Variants in MRPL30 observed in about 807,000 individuals in gnomAD.
The protein encoded by MRPL30 is large ribosomal subunit protein uL30m.
A neutral mutation model predicts 17.2 loss-of-function variants in MRPL30; 10 were observed. That is an observed-to-expected ratio of 0.58 (90% CI 0.36 to 0.99). MRPL30 has a LOEUF of 0.99. MRPL30 is among the 50% of genes least tolerant of loss of function. The pLI is 0.01. For synonymous variants in MRPL30, 61 were observed against 62.1 expected, an observed-to-expected ratio of 0.98 and a Z score of 0.08; for missense variants, 170 against 189.8, an observed-to-expected ratio of 0.90 and a Z score of 0.61.
chr2:99,192,001 CA>C (rs1021659100), intron 3 of MRPL30, among the ~76,000 whole-genome samples: 1 of 152,126 alleles, frequency 6.6e-6, no homozygotes, highest in Admixed American at 6.6e-5. Context: ...CTAATCTCTT[CA>C]AAATCTCTAG....
intron 3 of MRPL30, among the ~76,000 whole-genome samples, chr2:99,192,281 C>T (rs1353780874): frequency 6.6e-6 from 1 of 152,026 alleles, no homozygotes; most frequent in South Asian, 2.1e-4. Context: ...TCACTGTATA[C>T]ATTTTTTTTT....
In MRPL30 at chr2:99,194,627, ATGAT is replaced by A. The variant is rs1291918233; in HGVS notation, c.133-123_133-120del. On this transcript the variant is annotated intron_variant, in intron 3 of 5. Coordinates refer to ENST00000338148, the MANE Select transcript of MRPL30 (RefSeq NM_145212.4). ...TGTTCAATCTGAGGTTGAGGATTAC[ATGAT>A]GATTAAGGATGAGGTAATTATGTAG... 11 of 795,010 alleles carry A rather than the reference ATGAT, an allele frequency of 1.4e-5. No homozygotes were observed. The Admixed American group carries it at 1.5e-4, about 11-fold the overall frequency. 49.2% of individuals were successfully genotyped at this position (795,010 alleles called of 1,614,324 possible). A position where few individuals can be genotyped will look rare whatever the true frequency, so the allele number is the denominator to read the frequency against.
At chr2:99,192,628 T>G (rs2093948671) in intron 3 of MRPL30, among the ~76,000 whole-genome samples, 2 of 152,344 alleles carry the variant, frequency 1.3e-5, no homozygotes, top group Admixed American at 6.5e-5. Flanking sequence ...CTTTATCCAG[T>G]CTATCATTGA....
intron 3 of MRPL30, among the ~76,000 whole-genome samples, chr2:99,189,539 T>C (rs2093940643): frequency 1.3e-5 from 2 of 152,332 alleles, no homozygotes; most frequent in South Asian, 4.1e-4. Context: ...TGCATTCATC[T>C]ATGGAAAAAC....
intron 3 of MRPL30, 111 bp from the exon 4 acceptor site, chr2:99,194,640 A>T: frequency 3.4e-6 from 3 of 873,464 alleles, no homozygotes; most frequent in Non-Finnish European, 5.3e-6. Context: ...ATGATTAAGG[A>T]TGAGGTAATT....
chr2:99,183,943 A>G (rs936006941), intron 1 of MRPL30, among the ~76,000 whole-genome samples: 1 of 152,112 alleles, frequency 6.6e-6, no homozygotes, highest in Non-Finnish European at 1.5e-5. Context: ...TTTTGATATC[A>G]TTGACAGTTT....
chr2:99,186,316 T>G (rs2093933987), intron 2 of MRPL30, 62 bp downstream of exon 2: 2 of 1,454,124 alleles, frequency 1.4e-6, no homozygotes, highest in Non-Finnish European at 1.9e-6. Flanking sequence ...TTTTAATCAT[T>G]ACAAGGCAAG....
chr2:99,196,414 C>T lies in MRPL30; in HGVS notation c.*709C>T, dbSNP rs189033357. On this transcript the variant is annotated 3_prime_UTR_variant, in exon 6 of 6. Coordinates refer to ENST00000338148, the MANE Select transcript of MRPL30 (RefSeq NM_145212.4). Reference sequence around the variant, plus strand: ...CTCCCAGGCTCAAGTGATCCTCCCACCTCAGCCTCCAGAGTAGCTAGGACT... The same window carrying T: ...CTCCCAGGCTCAAGTGATCCTCCCATCTCAGCCTCCAGAGTAGCTAGGACT... The T allele has an allele frequency of 4.6e-3, 695 of 152,534 alleles. 2 individuals are homozygous for T. The highest frequency in any genetic ancestry group is 9.1e-3 in the South Asian group (44 of 4,834). The allele number at this position is 152,534 out of a possible 1,614,324, so 9.4% of individuals were successfully genotyped here.
chr2:99,182,231 C>T (rs879333162), intron 1 of MRPL30, among the ~76,000 whole-genome samples: 1 of 152,186 alleles, frequency 6.6e-6, no homozygotes, highest in Non-Finnish European at 1.5e-5. Context: ...AGTTACGTGC[C>T]TAATTATTAA....
At chr2:99,190,373 A>G (rs929641046) in intron 3 of MRPL30, among the ~76,000 whole-genome samples, 2 of 152,116 alleles carry the variant, frequency 1.3e-5, no homozygotes, top group Non-Finnish European at 2.9e-5. Flanking sequence ...CAGCCTGGGC[A>G]ACATAGTGAG....
chr2:99,194,256 C>G (rs1387072727), intron 3 of MRPL30, among the ~76,000 whole-genome samples: 1 of 152,006 alleles, frequency 6.6e-6, no homozygotes, highest in Non-Finnish European at 1.5e-5. Flanking sequence ...TTTCTTAGAA[C>G]CTTTTGATTC....
At chr2:99,187,471 A>G (rs1005376895) in intron 2 of MRPL30, among the ~76,000 whole-genome samples, 1 of 152,246 alleles carries the variant, frequency 6.6e-6, no homozygotes, top group African/African-American at 2.4e-5. Flanking sequence ...TTGATAAACT[A>G]TGGCCTTTAG....
In MRPL30 at chr2:99,188,611, T is replaced by C. The variant is rs576305986; in HGVS notation, c.132+354T>C. On this transcript the variant is annotated intron_variant, in intron 3 of 5. Coordinates refer to ENST00000338148, the MANE Select transcript of MRPL30 (RefSeq NM_145212.4). ...TCATTTTCACTTTCCGTATCGATCA[T>C]TGTTACTTTGGATCTTTCAGCTTTT... Among the ~76,000 whole-genome samples, 7 of 152,348 alleles carry C rather than the reference T, an allele frequency of 4.6e-5. No individual in the cohort carries two copies. In the South Asian group the frequency reaches 1.5e-3, roughly 32 times the overall value.
In MRPL30 at chr2:99,195,130, A is replaced by G; in HGVS notation, c.294A>G (p.Gln98=). The G allele has an allele frequency of 1.3e-6, 2 of 1,599,694 alleles. No homozygotes were observed. The highest frequency in any genetic ancestry group is 1.7e-6 in the Non-Finnish European group (2 of 1,175,874). Residue 98 remains glutamine (Q), a synonymous_variant, in exon 5 of 6, where the codon CAA becomes CAG. Transcript: ENST00000338148. ...MLGLEKAHTP[Q]VHKNIPSVNA... ...GTTGTTCACAGGCACATACCCCTCA[A>G]GTTCACAAGAATATCCCTTCAGTGA...
chr2:99,184,372 A>G (rs913482236), intron 1 of MRPL30, among the ~76,000 whole-genome samples: 8 of 152,150 alleles, frequency 5.3e-5, no homozygotes, highest in African/African-American at 1.9e-4. Flanking sequence ...CCTCTCAGCT[A>G]ACAGAGCTAG....
At chr2:99,192,465 TATGAGTGAGAAC>T (rs1197825925) in intron 3 of MRPL30, among the ~76,000 whole-genome samples, 2 of 152,196 alleles carry the variant, frequency 1.3e-5, no homozygotes, top group African/African-American at 4.8e-5. Context: ...AACTCCCACT[TATGAGTGAGAAC>T]ATGCGGTATT....
In MRPL30 at chr2:99,196,893, T is replaced by C. The variant is rs2093955982; in HGVS notation, c.*1188T>C. On this transcript the variant is annotated 3_prime_UTR_variant, in exon 6 of 6. Coordinates refer to ENST00000338148, the MANE Select transcript of MRPL30 (RefSeq NM_145212.4). ...AGCATTTAATATCTAATTATAAATCTAATTTGGCCTAAACTTTATTATTGC... is the reference window on the plus strand; with the variant it reads ...AGCATTTAATATCTAATTATAAATCCAATTTGGCCTAAACTTTATTATTGC... The C allele has an allele frequency of 6.6e-6, 1 of 152,262 alleles. No individual in the cohort carries two copies. Among genetic ancestry groups the C allele is most frequent in the Non-Finnish European group, 1.5e-5 (1 of 68,048 alleles). The allele number at this position is 152,262 out of a possible 1,614,324, so 9.4% of individuals were successfully genotyped here. A position where few individuals can be genotyped will look rare whatever the true frequency, so the allele number is the denominator to read the frequency against.
At chr2:99,195,368 A>AAT (rs1175075573) in intron 5 of MRPL30, 179 bp downstream of exon 5, 2 of 728,222 alleles carry the variant, frequency 2.7e-6, no homozygotes, top group Non-Finnish European at 4.4e-6. Context: ...GTGACGTTTC[A>AAT]ATATATATAA....
chr2:99,188,237 AGAT>A lies in MRPL30; in HGVS notation c.113_115del (p.Arg38_Ser39delinsThr). 6.2e-7 allele frequency: 1 copy of A among 1,606,968 alleles called. No individual in the cohort carries two copies. The highest frequency in any genetic ancestry group is 1.7e-4 in the Middle Eastern group (1 of 6,040). ...AGATTGGATTCGTCACAAATTCACC[AGAT>A]CAAGAATTCCAGAAAAAGTAAGAAC... On this transcript the variant is annotated inframe_deletion, in exon 3 of 6. Coordinates refer to ENST00000338148, the MANE Select transcript of MRPL30 (RefSeq NM_145212.4).
Sources: allele counts gnomAD v4.1 joint callset (sites outside exome capture counted in the v4.1 genomes callset), GRCh38; gene constraint gnomAD v4.1.1; transcripts MANE v1.5; gene names NCBI Gene and HGNC (gene_info 2026-07-23, HGNC 2026-07-21).